SUGCT: variants seen among roughly 807,000 people sequenced by gnomAD.
SUGCT encodes the protein succinyl-CoA:glutarate-CoA transferase.
Under a neutral mutation model 55.0 loss-of-function variants are expected in SUGCT, and 41 were observed. The observed-to-expected ratio is 0.74, with a 90% confidence interval of 0.58 to 0.97. The LOEUF is 0.97. Ranked by LOEUF, SUGCT falls within the 50% of genes least tolerant of loss-of-function variation. The probability of loss-of-function intolerance (pLI) is 0.00; values close to 1 mark genes in which losing one functional copy is unlikely to be tolerated. For synonymous variants in SUGCT, 187 were observed against 200.4 expected (o/e 0.93, Z 0.56); for missense variants, 568 against 547.8 (o/e 1.04, Z -0.37).
rs1784967850 is a variant in SUGCT at position 40,697,107 on chromosome 7, A to T, written c.1090-52327A>T. 3.3e-5 allele frequency among the ~76,000 whole-genome samples: 5 copies of T among 152,170 alleles called. 1 individual carries two copies. In the South Asian group the frequency reaches 1.0e-3, roughly 32 times the overall value. The stretch of plus-strand genomic sequence containing the variant: ...ACACGTAACACACACACACAGCAAA[A>T]AGGCTCAAAAAAGTGTGTATTCATA... On this transcript the variant is annotated intron_variant, in intron 12 of 13. Coordinates refer to ENST00000335693, the MANE Select transcript of SUGCT (RefSeq NM_001193313.2).
At chr7:40,402,492 T>C (rs1023543796) in intron 9 of SUGCT, among the ~76,000 whole-genome samples, 18 of 152,172 alleles carry the variant, frequency 1.2e-4, no homozygotes, top group African/African-American at 4.3e-4. Context: ...TAAACTTCTA[T>C]GGGGGAAAAT....
At chr7:40,853,512 A>G (rs1793963545) in intron 13 of SUGCT, among the ~76,000 whole-genome samples, 1 of 151,834 alleles carries the variant, frequency 6.6e-6, no homozygotes, top group African/African-American at 2.4e-5. Flanking sequence ...CTACCAGTGC[A>G]CTCCACCACA....
intron 12 of SUGCT, among the ~76,000 whole-genome samples, chr7:40,663,485 ATGTGTGTGTGTGTGTGTGTG>A (rs59033010): frequency 7.4e-6 from 1 of 134,970 alleles, no homozygotes; most frequent in African/African-American, 2.6e-5. Flanking sequence ...TTTGTGGTGT[ATGTGTGTGTGTGTGTGTGTG>A]TGTGTGTGTG....
chr7:41,011,738 A>T, the SUGCT span, among the ~76,000 whole-genome samples: 1 of 152,230 alleles, frequency 6.6e-6, no homozygotes, highest in East Asian at 1.9e-4. Flanking sequence ...TCCCAATGGA[A>T]CTGGATAGGT....
rs1219853880 is a variant in SUGCT at position 40,190,469 on chromosome 7, G to A, written c.363+875G>A. On this transcript the variant is annotated intron_variant, in intron 5 of 13. Transcript: ENST00000335693. ...TTCACCATGTTGGCCAGGCTGGTTC[G>A]AACTCCTTACTTCAAGTGATCTGCC... is the stretch of plus-strand genomic sequence containing the variant. Among the ~76,000 whole-genome samples, 6 of 152,002 alleles carry A rather than the reference G, an allele frequency of 3.9e-5. No homozygotes were observed. The East Asian group carries it at 5.8e-4, about 15-fold the overall frequency.
rs77979127 is a variant in SUGCT, at chr7:40,843,181, C to T, written c.1154-17135C>T. ...AAAGGAGGTAAACTGGCCAAAGGGG[C>T]GATGGAAAGTAGCAGTCAGGGTGGC... is the stretch of plus-strand genomic sequence containing the variant. On this transcript the variant is annotated intron_variant, in intron 13 of 13. Transcript: ENST00000335693. 9.5e-4 allele frequency among the ~76,000 whole-genome samples: 145 copies of T among 152,056 alleles called. 3 individuals carry two copies. The East Asian group carries it at 0.027, about 28-fold the overall frequency.
the SUGCT span, among the ~76,000 whole-genome samples, chr7:40,995,335 C>A: frequency 6.6e-6 from 1 of 151,752 alleles, no homozygotes; most frequent in Admixed American, 6.6e-5. Context: ...CACATTTTAT[C>A]CCCGTTATCT....
At chr7:40,250,577 A>G (rs1011692221) in intron 7 of SUGCT, among the ~76,000 whole-genome samples, 2 of 152,114 alleles carry the variant, frequency 1.3e-5, no homozygotes, top group Non-Finnish European at 2.9e-5. Context: ...ATACGTTGGC[A>G]TATTCATAGC....
chr7:40,666,435 T>C (rs1228571357), intron 12 of SUGCT, among the ~76,000 whole-genome samples: 1 of 148,032 alleles, frequency 6.8e-6, no homozygotes, highest in Non-Finnish European at 1.5e-5. Flanking sequence ...TTTTTTTTTT[T>C]TTTTTTTTTG....
intron 13 of SUGCT, among the ~76,000 whole-genome samples, chr7:40,798,307 GATTA>G (rs1378468644): frequency 3.2e-4 from 48 of 152,268 alleles, no homozygotes; most frequent in African/African-American, 1.2e-3. Flanking sequence ...TGCTAAGATT[GATTA>G]ATTATGACAA....
intron 9 of SUGCT, among the ~76,000 whole-genome samples, chr7:40,390,968 G>T (rs901238473): frequency 6.6e-6 from 1 of 152,136 alleles, no homozygotes; most frequent in Non-Finnish European, 1.5e-5. Flanking sequence ...AGAACCCTCA[G>T]AAACAATACC....
chr7:40,420,106 G>A (rs955707694), intron 9 of SUGCT, among the ~76,000 whole-genome samples: 5 of 152,098 alleles, frequency 3.3e-5, no homozygotes, highest in African/African-American at 9.7e-5. Flanking sequence ...TGAGTACCTG[G>A]GTGAGAGAGA....
intron 11 of SUGCT, among the ~76,000 whole-genome samples, chr7:40,492,888 A>C (rs1357550702): frequency 6.6e-6 from 1 of 152,146 alleles, no homozygotes; most frequent in Non-Finnish European, 1.5e-5. Flanking sequence ...AACTCTTAAC[A>C]CAGGGACGGT....
rs768113427 is a variant in SUGCT, at chr7:40,316,744, C to CT, written c.721-9dup. On this transcript the variant is annotated splice_polypyrimidine_tract_variant and intron_variant, in intron 8 of 13. Coordinates refer to ENST00000335693, the MANE Select transcript of SUGCT (RefSeq NM_001193313.2). ...CTAGCTGTTCTATTTTATTTATTTACTTTTTTTCCTGGTAGGTGGCGTGTT... is the reference window on the plus strand; with the variant it reads ...CTAGCTGTTCTATTTTATTTATTTACTTTTTTTTCCTGGTAGGTGGCGTGTT... 6 of 1,536,532 alleles carry CT rather than the reference C, an allele frequency of 3.9e-6. No individual in the cohort carries two copies. The highest frequency in any genetic ancestry group is 2.7e-5 in the African/African-American group (2 of 73,258).
At chr7:40,255,586 G>A (rs1379860708) in intron 7 of SUGCT, among the ~76,000 whole-genome samples, 3 of 148,464 alleles carry the variant, frequency 2.0e-5, no homozygotes, top group Admixed American at 6.8e-5. Flanking sequence ...GCTTGAACCC[G>A]GGAGAGGGCG....
At chr7:40,498,870 G>A (rs2151524218) in intron 12 of SUGCT, 1 of 351,902 alleles carries the variant, frequency 2.8e-6, no homozygotes, top group Non-Finnish European at 5.6e-6. Flanking sequence ...ATTAAGTTAA[G>A]CTTGCACTCT....
intron 6 of SUGCT, among the ~76,000 whole-genome samples, chr7:40,224,120 C>T (rs1788192558): frequency 6.6e-6 from 1 of 152,100 alleles, no homozygotes; most frequent in African/African-American, 2.4e-5. Flanking sequence ...TTGCTCCTGA[C>T]AATGAAAAAT....
chr7:40,734,969 C>T (rs1787082742), intron 12 of SUGCT, among the ~76,000 whole-genome samples: 1 of 152,112 alleles, frequency 6.6e-6, no homozygotes, highest in African/African-American at 2.4e-5. Flanking sequence ...CTGACCTGTT[C>T]TTAGGACTAA....
intron 13 of SUGCT, among the ~76,000 whole-genome samples, chr7:40,820,278 T>G (rs1791916380): frequency 8.0e-6 from 1 of 124,660 alleles, no homozygotes. Flanking sequence ...AACTTTAAAG[T>G]AGTTTTTTTC....
Sources: allele counts gnomAD v4.1 joint callset (sites outside exome capture counted in the v4.1 genomes callset), GRCh38; gene constraint gnomAD v4.1.1; transcripts MANE v1.5; gene names NCBI Gene and HGNC (gene_info 2026-07-23, HGNC 2026-07-21).